The following PPP1R12B variants were observed in gnomAD, a reference collection of about 807,000 sequenced individuals.
The protein encoded by PPP1R12B is protein phosphatase 1 regulatory subunit 12B.
PPP1R12B carries 76 observed loss-of-function variants against 126.1 expected under a neutral mutation model. The observed-to-expected ratio is 0.60, with a 90% CI of 0.50 to 0.73. PPP1R12B has a LOEUF of 0.73. PPP1R12B is among the 30% of genes least tolerant of loss of function. PPP1R12B has a pLI of 0.00. For synonymous variants in PPP1R12B, 356 were observed against 434.7 expected, an observed-to-expected ratio of 0.82 and a Z score of 2.25; for missense variants, 1,052 against 1,205.1, an observed-to-expected ratio of 0.87 and a Z score of 1.88.
chr1:202,471,521 C>T (rs563959611), intron 13 of PPP1R12B, among the ~76,000 whole-genome samples: 2 of 151,110 alleles, frequency 1.3e-5, no homozygotes, highest in Non-Finnish European at 2.9e-5. Flanking sequence ...TCTTTACTCT[C>T]ACCAGCAATG....
intron 18 of PPP1R12B, chr1:202,540,150 T>C: frequency 6.2e-7 from 1 of 1,608,620 alleles, no homozygotes; most frequent in Non-Finnish European, 8.5e-7. Flanking sequence ...ATGTCCTCTT[T>C]ATATACCCGA....
At position 202,565,065 on chromosome 1, in the gene PPP1R12B, A is replaced by G. The variant is rs1365192286; in HGVS notation, c.2757+518A>G. ...AGTCCCAAAGCAAAGATTCTGTAGC[A>G]TATGTTATCTCCCCAAGCCACCACT... On this transcript the variant is annotated intron_variant, in intron 21 of 23. Coordinates refer to ENST00000608999, the MANE Select transcript of PPP1R12B (RefSeq NM_002481.4). This position sits in a 1 kb window ranked among gnomAD's most constrained non-coding sequence, Gnocchi z 4.3. Among the ~76,000 whole-genome samples the G allele has an allele frequency of 6.6e-6, 1 of 152,236 alleles. No homozygotes were observed. Among genetic ancestry groups the G allele is most frequent in the Non-Finnish European group, 1.5e-5 (1 of 68,034 alleles).
chr1:202,502,296 G>A (rs1469418808), intron 18 of PPP1R12B: 36 of 984,856 alleles, frequency 3.7e-5, no homozygotes, highest in Non-Finnish European at 4.3e-5. Flanking sequence ...GGAGAGATCT[G>A]TTGGTAAAAG....
intron 18 of PPP1R12B, among the ~76,000 whole-genome samples, chr1:202,497,898 C>T (rs1679762058): frequency 6.6e-6 from 1 of 152,084 alleles, no homozygotes; most frequent in African/African-American, 2.4e-5. Context: ...AGGAAAGTTC[C>T]TTTGGGGAAT....
chr1:202,426,888 T>C, intron 4 of PPP1R12B, 152 bp from the exon 5 acceptor site: 1 of 1,132,250 alleles, frequency 8.8e-7, no homozygotes. Flanking sequence ...TAGTTAACTA[T>C]GAAACCCAAA....
intron 13 of PPP1R12B, among the ~76,000 whole-genome samples, chr1:202,453,599 G>A (rs1016357186): frequency 6.6e-6 from 1 of 151,944 alleles, no homozygotes. Context: ...TGTGTAGTAA[G>A]TATAAAAGAT....
At chr1:202,451,632 C>T (rs1247013359) in intron 13 of PPP1R12B, among the ~76,000 whole-genome samples, 4 of 152,146 alleles carry the variant, frequency 2.6e-5, no homozygotes, top group Non-Finnish European at 5.9e-5. Context: ...TCCCCCTTTT[C>T]TATTCCACAA....
intron 1 of PPP1R12B, among the ~76,000 whole-genome samples, chr1:202,366,116 TA>T (rs1337401710): frequency 2.0e-5 from 3 of 152,218 alleles, no homozygotes; most frequent in African/African-American, 7.2e-5. Context: ...CAGTGTGAAG[TA>T]ATAGCTAAAG....
At chr1:202,456,869 A>G (rs2148743170) in intron 13 of PPP1R12B, among the ~76,000 whole-genome samples, 1 of 152,360 alleles carries the variant, frequency 6.6e-6, no homozygotes, top group East Asian at 1.9e-4. Context: ...AAAAGACTGT[A>G]AACTGTAAAA....
chr1:202,356,093 A>T (rs115872638), intron 1 of PPP1R12B, among the ~76,000 whole-genome samples: 1 of 152,240 alleles, frequency 6.6e-6, no homozygotes, highest in Non-Finnish European at 1.5e-5. Flanking sequence ...AGGTGGAAGG[A>T]TCACTTGAGC....
In PPP1R12B at chr1:202,470,990, AT is replaced by A. The variant is rs1050602953; in HGVS notation, c.1851-17539del. On this transcript the variant is annotated intron_variant, in intron 13 of 23. Coordinates refer to ENST00000608999, the MANE Select transcript of PPP1R12B (RefSeq NM_002481.4). ...TCTTCTGGTCTGATCAAATCCCAAT[AT>A]TTTGCCATATTTGCTTCAGTTATTA... Among the ~76,000 whole-genome samples the A allele has an allele frequency of 7.7e-4, 117 of 152,006 alleles. 1 individual carries two copies. Among genetic ancestry groups the A allele is most frequent in the African/African-American group, 2.7e-3 (113 of 41,478 alleles).
At chr1:202,428,199 G>A (rs1197485598) in intron 5 of PPP1R12B, among the ~76,000 whole-genome samples, 1 of 152,094 alleles carries the variant, frequency 6.6e-6, no homozygotes, top group East Asian at 1.9e-4. Flanking sequence ...AAGGCAAAAA[G>A]TGAATATTGA....
rs1399974384 is a variant in PPP1R12B, at chr1:202,567,649, T to A, written c.2758-129T>A. ...TCAGAACCTGTTTGCTGGGGATCCC[T>A]GCTATAGGGGAAGTCCAAAGTTTTA... On this transcript the variant is annotated intron_variant, in intron 21 of 23. Coordinates refer to ENST00000608999, the MANE Select transcript of PPP1R12B (RefSeq NM_002481.4). 8.9e-6 allele frequency: 8 copies of A among 902,120 alleles called. No individual in the cohort carries two copies. The East Asian group carries it at 2.1e-4, about 23-fold the overall frequency. The allele number at this position is 902,120 out of a possible 1,614,324, so 55.9% of individuals were successfully genotyped here. A position where few individuals can be genotyped will look rare whatever the true frequency, so the allele number is the denominator to read the frequency against.
intron 1 of PPP1R12B, among the ~76,000 whole-genome samples, chr1:202,389,786 G>A (rs948062097): frequency 6.6e-6 from 1 of 151,908 alleles, no homozygotes; most frequent in Non-Finnish European, 1.5e-5. Flanking sequence ...AATTAGCTGG[G>A]CATGGTGGTG....
At chr1:202,438,734 G>A (rs1025789258) in intron 10 of PPP1R12B, 14 of 684,852 alleles carry the variant, frequency 2.0e-5, no homozygotes, top group South Asian at 1.1e-4. Flanking sequence ...TTTTGCAGAC[G>A]TCGTGAGAGA....
intron 1 of PPP1R12B, among the ~76,000 whole-genome samples, chr1:202,399,766 G>C (rs1665545983): frequency 6.6e-6 from 1 of 152,196 alleles, no homozygotes; most frequent in Non-Finnish European, 1.5e-5. Flanking sequence ...AAAGTGCTGG[G>C]ATTACAGGCA....
intron 1 of PPP1R12B, among the ~76,000 whole-genome samples, chr1:202,383,569 C>A (rs1165616727): frequency 3.3e-5 from 5 of 151,908 alleles, no homozygotes; most frequent in South Asian, 4.2e-4. Flanking sequence ...ATTAAAAATA[C>A]AAAAATTAAC....
At chr1:202,397,456 C>A (rs1213823115) in intron 1 of PPP1R12B, among the ~76,000 whole-genome samples, 1 of 152,162 alleles carries the variant, frequency 6.6e-6, no homozygotes, top group African/African-American at 2.4e-5. Flanking sequence ...TCACACTACT[C>A]TCTTGCCAGG....
In PPP1R12B at chr1:202,585,679, A is replaced by T. The variant is rs1027155343; in HGVS notation, c.*5119A>T. 1.3e-5 allele frequency: 2 copies of T among 152,230 alleles called. No homozygotes were observed. The highest frequency in any genetic ancestry group is 4.8e-5 in the African/African-American group (2 of 41,462). The allele number at this position is 152,230 out of a possible 1,614,324, so 9.4% of individuals were successfully genotyped here. A position where few individuals can be genotyped will look rare whatever the true frequency, so the allele number is the denominator to read the frequency against. On this transcript the variant is annotated 3_prime_UTR_variant, in exon 24 of 24. Coordinates refer to ENST00000608999, the MANE Select transcript of PPP1R12B (RefSeq NM_002481.4). ...GATTTAAACTGTTTAATATGAGCAC[A>T]TCAAGGTTGACTTCTCATCCTTTTT...
Sources: gnomAD v4.1 joint callset for allele counts (sites outside exome capture counted in the v4.1 genomes callset) on GRCh38, gnomAD v4.1.1 for gene constraint, Gnocchi (gnomAD v3.1) non-coding constraint, MANE v1.5 for transcripts, NCBI Gene and HGNC (gene_info 2026-07-23, HGNC 2026-07-21) for gene names.